CDH22: variants seen among roughly 807,000 people sequenced by gnomAD.
CDH22 encodes the protein cadherin 22, also known as cadherin-22.
CDH22 carries 30 observed loss-of-function variants against 58.4 expected under a neutral mutation model. The ratio of observed to expected loss-of-function variants is 0.51; its 90% CI spans 0.38 to 0.70. The LOEUF (loss-of-function observed/expected upper bound fraction) is 0.70. Among genes scored for constraint, CDH22 ranks in the 30% least tolerant of loss-of-function variants. CDH22 has a pLI of 0.00. For missense variants in CDH22, 1,014 were observed against 1,233.9 expected, an observed-to-expected ratio of 0.82 and a Z score of 2.67; for synonymous variants, 513 against 558.2, an observed-to-expected ratio of 0.92 and a Z score of 1.14.
chr20:46,234,465 G>C (rs2086240449), intron 3 of CDH22, among the ~76,000 whole-genome samples: 2 of 152,186 alleles, frequency 1.3e-5, no homozygotes, highest in Non-Finnish European at 2.9e-5. Flanking sequence ...GAGAATAAAG[G>C]GAAATAGCTC....
intron 11 of CDH22, among the ~76,000 whole-genome samples, chr20:46,175,580 G>T (rs2085732273): frequency 2.0e-5 from 3 of 152,196 alleles, no homozygotes; most frequent in African/African-American, 7.2e-5. Flanking sequence ...GTCAAGGCCT[G>T]CAGGAACCCT....
chr20:46,286,059 C>G (rs1490257776), intron 1 of CDH22, among the ~76,000 whole-genome samples: 1 of 152,202 alleles, frequency 6.6e-6, no homozygotes, highest in Non-Finnish European at 1.5e-5. Context: ...GCTTCTCCTT[C>G]CTGGAGAGGG....
At chr20:46,289,305 C>G (rs1945132434) in intron 1 of CDH22, among the ~76,000 whole-genome samples, 2 of 152,200 alleles carry the variant, frequency 1.3e-5, no homozygotes, top group South Asian at 4.1e-4. Flanking sequence ...ATTCATATCC[C>G]CTCATCCTGC....
chr20:46,208,172 A>C (rs1056424794), intron 7 of CDH22, among the ~76,000 whole-genome samples: 1 of 152,164 alleles, frequency 6.6e-6, no homozygotes, highest in Admixed American at 6.5e-5. Flanking sequence ...AGGGAGCCCC[A>C]GTGCCTCCTT....
chr20:46,270,812 A>G (rs1222538705), intron 1 of CDH22, among the ~76,000 whole-genome samples: 1 of 152,204 alleles, frequency 6.6e-6, no homozygotes, highest in Non-Finnish European at 1.5e-5. Context: ...AATGCTGATG[A>G]TATTTAAGGC....
At chr20:46,245,993 G>A (rs753153088) in intron 2 of CDH22, among the ~76,000 whole-genome samples, 1 of 152,180 alleles carries the variant, frequency 6.6e-6, no homozygotes. Context: ...CAGCCCTGGA[G>A]GAGAAATCCC....
intron 7 of CDH22, among the ~76,000 whole-genome samples, chr20:46,200,140 A>AT (rs1405123652): frequency 7.3e-5 from 11 of 150,780 alleles, no homozygotes; most frequent in Non-Finnish European, 1.6e-4. Context: ...CGCCCGGCTA[A>AT]TTTTTTGTAT....
chr20:46,227,280 A>AC (rs374903275), intron 4 of CDH22, among the ~76,000 whole-genome samples: 2 of 151,852 alleles, frequency 1.3e-5, no homozygotes, highest in Non-Finnish European at 2.9e-5. Flanking sequence ...TTTTGGAAGA[A>AC]CCCCCCACCC....
At chr20:46,307,917 G>A (rs557205148) in intron 1 of CDH22, among the ~76,000 whole-genome samples, 1 of 152,012 alleles carries the variant, frequency 6.6e-6, no homozygotes, top group Admixed American at 6.5e-5. Context: ...GGCCCCTGGC[G>A]CTGCCACCCC....
chr20:46,305,230 A>G, intron 1 of CDH22, among the ~76,000 whole-genome samples: 1 of 152,218 alleles, frequency 6.6e-6, no homozygotes, highest in East Asian at 1.9e-4. Flanking sequence ...CACTGCCCTG[A>G]TGAAAAGTTG....
intron 2 of CDH22, among the ~76,000 whole-genome samples, chr20:46,248,852 C>T (rs892957735): frequency 6.6e-6 from 1 of 152,180 alleles, no homozygotes; most frequent in Non-Finnish European, 1.5e-5. Flanking sequence ...CAACAACAAA[C>T]ACTTTAACTC....
chr20:46,286,803 G>A (rs529000256), intron 1 of CDH22, among the ~76,000 whole-genome samples: 2 of 152,242 alleles, frequency 1.3e-5, no homozygotes, highest in African/African-American at 4.8e-5. Flanking sequence ...TCTGAGCTCT[G>A]CCCTCCTCTG....
chr20:46,280,412 T>C (rs956470349), intron 1 of CDH22, among the ~76,000 whole-genome samples: 1 of 152,120 alleles, frequency 6.6e-6, no homozygotes, highest in African/African-American at 2.4e-5. Flanking sequence ...AGAGTGAGGC[T>C]CTGAGGACAA....
intron 2 of CDH22, among the ~76,000 whole-genome samples, chr20:46,244,699 C>T (rs933751432): frequency 2.6e-5 from 4 of 152,148 alleles, no homozygotes; most frequent in Admixed American, 6.5e-5. Context: ...GCTTACAATG[C>T]CTATAGCAGA....
intron 1 of CDH22, among the ~76,000 whole-genome samples, chr20:46,292,453 C>T (rs2086608424): frequency 6.6e-6 from 1 of 152,220 alleles, no homozygotes; most frequent in Non-Finnish European, 1.5e-5. Flanking sequence ...CCAGGCACAG[C>T]ACTGAACATC....
chr20:46,174,215 C>A lies in CDH22; in HGVS notation c.*291G>T, dbSNP rs1046563101. ...GATTGAGTGACCCGCCCCTTCCCGA[C>A]TCTGCAACGCCACCCCCATCTCCCA... On this transcript the variant is annotated 3_prime_UTR_variant, in exon 12 of 12. Transcript: ENST00000537909. This position sits in a 1 kb window ranked among gnomAD's most constrained non-coding sequence, Gnocchi z 4.4. 13 of 434,944 alleles carry A rather than the reference C, an allele frequency of 3.0e-5. No homozygotes were observed. Among genetic ancestry groups the A allele is most frequent in the Non-Finnish European group, 4.8e-5 (12 of 248,110 alleles). 26.9% of individuals were successfully genotyped at this position (434,944 alleles called of 1,614,324 possible).
At chr20:46,185,157 AC>A (rs1373253148) in intron 10 of CDH22, among the ~76,000 whole-genome samples, 59 of 151,436 alleles carry the variant, frequency 3.9e-4, no homozygotes, top group African/African-American at 1.4e-3. Context: ...ACACACACAC[AC>A]ACACAAACAA....
chr20:46,174,795 A>C lies in CDH22; in HGVS notation c.2198T>G (p.Leu733Arg). The change falls in exon 12 of 12, where the codon CTG (leucine) becomes CGG (arginine). Residue 733 changes from leucine (L) to arginine (R), a missense_variant. By Grantham distance (102) the Leu-to-Arg change is moderately radical. Around this residue, in one of 2 missense-constraint regions of CDH22, gnomAD observed 208 missense variants for 195.2 expected, o/e 1.07. Coordinates refer to ENST00000537909, the MANE Select transcript of CDH22 (RefSeq NM_021248.3). The surrounding 1 kb of genome is among the most constrained non-coding windows in gnomAD (Gnocchi z 4.4). ...QAHLPSERHSLPQGPPSPEPD... is the reference protein window; with the variant it reads ...QAHLPSERHSRPQGPPSPEPD... ...CTCGGGGCTCGGCGGCCCCTGCGGC[A>C]GCGAGTGGCGCTCGGAGGGCAGGTG... is the stretch of plus-strand genomic sequence containing the variant. 1 of 1,494,714 alleles carries C rather than the reference A, an allele frequency of 6.7e-7. No individual in the cohort carries two copies. Among genetic ancestry groups the C allele is most frequent in the Non-Finnish European group, 8.9e-7 (1 of 1,128,410 alleles). 92.6% of individuals were successfully genotyped at this position (1,494,714 alleles called of 1,614,324 possible). A position where few individuals can be genotyped will look rare whatever the true frequency, so the allele number is the denominator to read the frequency against.
intron 1 of CDH22, among the ~76,000 whole-genome samples, chr20:46,263,944 G>A (rs897104753): frequency 1.3e-5 from 2 of 152,300 alleles, no homozygotes; most frequent in South Asian, 2.1e-4. Flanking sequence ...GAGGAAGAGG[G>A]TGGTGGTGGC....
Sources: gnomAD v4.1 joint callset for allele counts (sites outside exome capture counted in the v4.1 genomes callset) on GRCh38, gnomAD v4.1.1 for gene constraint, gnomAD v4.1.1 regional missense constraint, Gnocchi (gnomAD v3.1) non-coding constraint, MANE v1.5 for transcripts, NCBI Gene and HGNC (gene_info 2026-07-23, HGNC 2026-07-21) for gene names.